The following AGBL1 variants were observed in gnomAD, a reference collection of about 807,000 sequenced individuals.
AGBL1 encodes the protein AGBL carboxypeptidase 1.
AGBL1 carries 130 observed loss-of-function variants against 118.9 expected under a neutral mutation model. That is an observed-to-expected ratio of 1.09 (90% CI 0.95 to 1.26). The LOEUF (loss-of-function observed/expected upper bound fraction) is 1.26, where lower values mean the gene tolerates loss of function less well. Ranked by LOEUF, AGBL1 falls within the 50% of genes most tolerant of loss-of-function variation. The probability of loss-of-function intolerance (pLI) is 0.00; values close to 1 mark genes in which losing one functional copy is unlikely to be tolerated. For synonymous variants in AGBL1, 555 were observed against 478.9 expected, an observed-to-expected ratio of 1.16 and a Z score of -2.08; for missense variants, 1,584 against 1,298.1, an observed-to-expected ratio of 1.22 and a Z score of -3.38.
intron 19 of AGBL1, among the ~76,000 whole-genome samples, chr15:86,537,583 A>G (rs1423779013): frequency 1.3e-5 from 2 of 152,194 alleles, no homozygotes; most frequent in Non-Finnish European, 2.9e-5. Flanking sequence ...GAGTGGAAAA[A>G]CGCAAGACCA....
At chr15:86,226,093 G>A (rs1297802384) in intron 6 of AGBL1, among the ~76,000 whole-genome samples, 2 of 152,160 alleles carry the variant, frequency 1.3e-5, no homozygotes, top group Admixed American at 6.5e-5. Context: ...GTAGAGTGGA[G>A]GTGGTAAGAG....
At chr15:86,735,079 AATAATT>A (rs1343092624) in intron 22 of AGBL1, among the ~76,000 whole-genome samples, 1 of 139,048 alleles carries the variant, frequency 7.2e-6, no homozygotes, top group African/African-American at 2.6e-5. Flanking sequence ...TAGTTATAAT[AATAATT>A]ATTATTATTA....
At chr15:86,341,215 G>A (rs745739685) in intron 17 of AGBL1, among the ~76,000 whole-genome samples, 14 of 152,136 alleles carry the variant, frequency 9.2e-5, no homozygotes, top group Non-Finnish European at 1.9e-4. Flanking sequence ...TGGGTTTTTT[G>A]TGTGGTGTTT....
chr15:87,009,150 C>G (rs59390951), intron 24 of AGBL1, among the ~76,000 whole-genome samples: 10,927 of 152,150 alleles, frequency 0.072, 656 homozygotes, highest in East Asian at 0.29. Context: ...CCTCCCATCA[C>G]AGGTGCAGAG....
intron 18 of AGBL1, among the ~76,000 whole-genome samples, chr15:86,476,155 G>A (rs2082555789): frequency 6.6e-6 from 1 of 152,152 alleles, no homozygotes; most frequent in South Asian, 2.1e-4. Flanking sequence ...ATCGATGCTA[G>A]GAAGAAACTG....
intron 21 of AGBL1, among the ~76,000 whole-genome samples, chr15:86,578,812 T>C (rs1395836336): frequency 6.6e-6 from 1 of 152,206 alleles, no homozygotes; most frequent in African/African-American, 2.4e-5. Flanking sequence ...ACCATGACTG[T>C]GAAGCCTCCC....
At chr15:86,339,602 T>C (rs1282024013) in intron 17 of AGBL1, among the ~76,000 whole-genome samples, 1 of 152,240 alleles carries the variant, frequency 6.6e-6, no homozygotes, top group East Asian at 1.9e-4. Flanking sequence ...CAGATTCTTC[T>C]TTCCCTCCAT....
intron 18 of AGBL1, among the ~76,000 whole-genome samples, chr15:86,430,947 G>T (rs1207643006): frequency 6.6e-6 from 1 of 152,116 alleles, no homozygotes; most frequent in Non-Finnish European, 1.5e-5. Context: ...TATGGAAGGG[G>T]TAATACTAAA....
intron 15 of AGBL1, among the ~76,000 whole-genome samples, chr15:86,274,525 C>T (rs550509632): frequency 1.3e-5 from 2 of 152,288 alleles, no homozygotes; most frequent in African/African-American, 4.8e-5. Flanking sequence ...AAGTAAGCTT[C>T]TGTAAACTTA....
chr15:86,365,390 G>A (rs1487461839), intron 17 of AGBL1, among the ~76,000 whole-genome samples: 1 of 152,128 alleles, frequency 6.6e-6, no homozygotes, highest in Non-Finnish European at 1.5e-5. Context: ...TTTTGGTTGG[G>A]AGAAACTGAC....
At chr15:86,997,246 T>C (rs1239584544) in intron 24 of AGBL1, among the ~76,000 whole-genome samples, 1 of 152,152 alleles carries the variant, frequency 6.6e-6, no homozygotes, top group Non-Finnish European at 1.5e-5. Flanking sequence ...CCATACATTG[T>C]ATCTCAGAGA....
intron 18 of AGBL1, among the ~76,000 whole-genome samples, chr15:86,458,686 A>T (rs1437556810): frequency 6.6e-6 from 1 of 152,158 alleles, no homozygotes; most frequent in South Asian, 2.1e-4. Context: ...CATTTAAGAG[A>T]TGAGAACATT....
At chr15:86,396,795 A>G (rs922702625) in intron 17 of AGBL1, among the ~76,000 whole-genome samples, 3 of 152,158 alleles carry the variant, frequency 2.0e-5, no homozygotes, top group African/African-American at 7.2e-5. Flanking sequence ...TAGATAGGAG[A>G]TAGTGTGAAA....
At chr15:86,089,901 G>T (rs1464756731) in intron 1 of AGBL1, among the ~76,000 whole-genome samples, 1 of 152,084 alleles carries the variant, frequency 6.6e-6, no homozygotes, top group East Asian at 1.9e-4. Flanking sequence ...GAAAAAAAAT[G>T]CCCCAAATGA....
intron 22 of AGBL1, among the ~76,000 whole-genome samples, chr15:86,901,107 C>T (rs950737786): frequency 1.3e-5 from 2 of 152,068 alleles, no homozygotes; most frequent in Non-Finnish European, 2.9e-5. Flanking sequence ...TATAAGAATT[C>T]TTTAAATAGT....
intron 1 of AGBL1, among the ~76,000 whole-genome samples, chr15:86,082,853 G>A (rs573011822): frequency 1.1e-4 from 16 of 152,214 alleles, no homozygotes; most frequent in Non-Finnish European, 2.1e-4. Flanking sequence ...GAAGCAGGAG[G>A]CAGGCAGCCC....
intron 17 of AGBL1, among the ~76,000 whole-genome samples, chr15:86,360,022 T>C (rs1006913475): frequency 6.6e-6 from 1 of 151,992 alleles, no homozygotes; most frequent in African/African-American, 2.4e-5. Flanking sequence ...TGGATGTGAT[T>C]TATTTATTTA....
intron 21 of AGBL1, among the ~76,000 whole-genome samples, chr15:86,565,009 A>G (rs1056412769): frequency 7.9e-5 from 12 of 151,946 alleles, no homozygotes; most frequent in South Asian, 2.1e-4. Flanking sequence ...TCTCTACACT[A>G]GTTATTCTAG....
intron 22 of AGBL1, among the ~76,000 whole-genome samples, chr15:86,686,854 A>C (rs2086066993): frequency 1.3e-5 from 2 of 152,084 alleles, no homozygotes. Flanking sequence ...AGAGAGCTTA[A>C]ATAACTTGCC....
Sources: gnomAD v4.1 joint callset for allele counts (sites outside exome capture counted in the v4.1 genomes callset) on GRCh38, gnomAD v4.1.1 for gene constraint, MANE v1.5 for transcripts, NCBI Gene and HGNC (gene_info 2026-07-23, HGNC 2026-07-21) for gene names.